The following GRM7 variants were observed in gnomAD, a reference collection of about 807,000 sequenced individuals.
GRM7 encodes the protein metabotropic glutamate receptor 7.
Under a neutral mutation model 84.5 loss-of-function variants are expected in GRM7, and 35 were observed. The ratio of observed to expected loss-of-function variants is 0.41; its 90% CI spans 0.32 to 0.55. GRM7 has a LOEUF of 0.55. Among genes scored for constraint, GRM7 ranks in the 20% least tolerant of loss-of-function variants. The probability of loss-of-function intolerance (pLI) is 0.19; values close to 1 mark genes in which losing one functional copy is unlikely to be tolerated. For missense variants in GRM7, 1,003 were observed against 1,194.6 expected, an observed-to-expected ratio of 0.84 and a Z score of 2.36; for synonymous variants, 487 against 455.1, an observed-to-expected ratio of 1.07 and a Z score of -0.89.
intron 8 of GRM7, among the ~76,000 whole-genome samples, chr3:7,616,190 T>C (rs1697071211): frequency 6.6e-6 from 1 of 152,126 alleles, no homozygotes; most frequent in Non-Finnish European, 1.5e-5. Context: ...TGTCTCATGC[T>C]AATAGACTTT....
At chr3:7,661,934 A>G (rs1699476200) in intron 8 of GRM7, among the ~76,000 whole-genome samples, 1 of 151,986 alleles carries the variant, frequency 6.6e-6, no homozygotes, top group South Asian at 2.1e-4. Flanking sequence ...CCCCCCAATG[A>G]AAAATATGTA....
chr3:7,216,203 C>T (rs1013752661), intron 2 of GRM7, among the ~76,000 whole-genome samples: 1 of 152,096 alleles, frequency 6.6e-6, no homozygotes, highest in East Asian at 1.9e-4. Context: ...GAACAGGTGA[C>T]TTTATGCCTG....
intron 1 of GRM7, chr3:6,884,202 T>C (rs1222154555): frequency 2.6e-5 from 4 of 152,638 alleles, no homozygotes; most frequent in Non-Finnish European, 4.4e-5. Flanking sequence ...AGCTACCTGT[T>C]CTGTTTTATT....
chr3:7,659,796 G>A (rs1297400549), intron 8 of GRM7, among the ~76,000 whole-genome samples: 2 of 152,094 alleles, frequency 1.3e-5, no homozygotes, highest in South Asian at 2.1e-4. Context: ...AAAAGGGTGA[G>A]GATTTTGTTT....
chr3:6,861,775 G>A lies in GRM7; in HGVS notation c.387G>A (p.Lys129=). 6.2e-7 allele frequency: 1 copy of A among 1,614,230 alleles called. No homozygotes were observed. Among genetic ancestry groups the A allele is most frequent in the Non-Finnish European group, 8.5e-7 (1 of 1,180,054 alleles). Residue 129 remains lysine (K), a synonymous_variant, in exon 1 of 10, where the codon AAG becomes AAA. Coordinates refer to ENST00000357716, the MANE Select transcript of GRM7 (RefSeq NM_000844.4). This position sits in a 1 kb window ranked among gnomAD's most constrained non-coding sequence, Gnocchi z 6.4. Reference sequence around the variant, plus strand: ...CTTTCGTCCAGGCGCTCATCCAGAAGGACACCTCCGACGTGCGCTGCACCA... The same window carrying A: ...CTTTCGTCCAGGCGCTCATCCAGAAAGACACCTCCGACGTGCGCTGCACCA... ...SLTFVQALIQ[K]DTSDVRCTNG...
chr3:7,246,932 A>C (rs563456863), intron 2 of GRM7, among the ~76,000 whole-genome samples: 1 of 152,168 alleles, frequency 6.6e-6, no homozygotes, highest in South Asian at 2.1e-4. Flanking sequence ...AATCTATAGT[A>C]ATCAAAAGAG....
chr3:7,052,718 T>G (rs1287299286), intron 1 of GRM7, among the ~76,000 whole-genome samples: 1 of 146,164 alleles, frequency 6.8e-6, no homozygotes, highest in Admixed American at 6.8e-5. Flanking sequence ...CAAGTATCGG[T>G]AGTTTTTTTT....
At position 7,579,350 on chromosome 3, in the gene GRM7, C is replaced by T. The variant is rs201610100; in HGVS notation, c.2444C>T (p.Ala815Val). ...IPIFFGTAQS[A>V]EKLYIQTTTL... ...ATTTTTTTTGGCACCGCTCAATCAGCGGAAAAGGTAAGTGAAAATGCACAT... is the reference window on the plus strand; with the variant it reads ...ATTTTTTTTGGCACCGCTCAATCAGTGGAAAAGGTAAGTGAAAATGCACAT... Residue 815 changes from alanine to valine, a missense_variant, in exon 8 of 10, where the codon GCG (alanine) becomes GTG (valine). Physicochemically the swap from Ala to Val is moderately conservative, Grantham distance 64. This residue lies in a region of GRM7 where 910 missense variants were observed against 1,126.0 expected (regional missense o/e 0.81). Transcript: ENST00000357716. 22 of 1,536,102 alleles carry T rather than the reference C, an allele frequency of 1.4e-5. No individual in the cohort carries two copies. Among genetic ancestry groups the T allele is most frequent in the South Asian group, 2.5e-5 (2 of 80,342 alleles).
chr3:7,096,134 C>T (rs1021011610), intron 1 of GRM7, among the ~76,000 whole-genome samples: 4 of 152,056 alleles, frequency 2.6e-5, no homozygotes, highest in Middle Eastern at 3.2e-3. Flanking sequence ...CTCCCCTATC[C>T]TAAAGCTAAC....
At chr3:7,454,090 A>ACACTCTCTCTCTCTCG in intron 6 of GRM7, among the ~76,000 whole-genome samples, 1 of 140,208 alleles carries the variant, frequency 7.1e-6, no homozygotes, top group African/African-American at 2.8e-5. Context: ...CTACACACAC[A>ACACTCTCTCTCTCTCG]CTCTCTCTCT....
intron 4 of GRM7, among the ~76,000 whole-genome samples, chr3:7,369,579 G>T (rs962452560): frequency 1.3e-5 from 2 of 152,120 alleles, no homozygotes; most frequent in Non-Finnish European, 2.9e-5. Context: ...ATGAAAGAAG[G>T]GGAATGGATG....
At chr3:7,473,395 G>T (rs1698781650) in intron 7 of GRM7, among the ~76,000 whole-genome samples, 1 of 151,944 alleles carries the variant, frequency 6.6e-6, no homozygotes. Flanking sequence ...AAGATCCTTT[G>T]AGCCCAGGAG....
At chr3:7,129,740 C>G (rs1693528915) in intron 1 of GRM7, among the ~76,000 whole-genome samples, 1 of 152,148 alleles carries the variant, frequency 6.6e-6, no homozygotes. Context: ...GCAGAAGTAG[C>G]CTGGGTCCTT....
chr3:7,529,285 A>G (rs1700934418), intron 7 of GRM7, among the ~76,000 whole-genome samples: 1 of 152,244 alleles, frequency 6.6e-6, no homozygotes, highest in South Asian at 2.1e-4. Context: ...TTACTGACAC[A>G]TGATAGGTTT....
In GRM7 at chr3:6,880,298, CA is replaced by C. The variant is rs377147568; in HGVS notation, c.519+18394del. Among the ~76,000 whole-genome samples the C allele has an allele frequency of 1.4e-3, 210 of 152,248 alleles. 1 individual carries two copies. The highest frequency in any genetic ancestry group is 4.9e-3 in the African/African-American group (204 of 41,540). On this transcript the variant is annotated intron_variant, in intron 1 of 9. Transcript: ENST00000357716. The stretch of plus-strand genomic sequence containing the variant: ...TTACTTATCTGTAAATAGCCTCCTA[CA>C]AAGGGTGCAATTACATAATTATACA...
At chr3:7,214,964 T>C (rs1340203552) in intron 2 of GRM7, among the ~76,000 whole-genome samples, 7 of 152,342 alleles carry the variant, frequency 4.6e-5, no homozygotes, top group East Asian at 1.9e-4. Flanking sequence ...AATAATGACA[T>C]GTCTTTATTT....
At chr3:7,575,293 T>A (rs896121354) in intron 7 of GRM7, among the ~76,000 whole-genome samples, 1 of 152,224 alleles carries the variant, frequency 6.6e-6, no homozygotes, top group African/African-American at 2.4e-5. Flanking sequence ...TAAACTTGCA[T>A]CTTCTAATGA....
chr3:6,872,379 C>G (rs1297261043), intron 1 of GRM7, among the ~76,000 whole-genome samples: 1 of 152,166 alleles, frequency 6.6e-6, no homozygotes, highest in Non-Finnish European at 1.5e-5. Flanking sequence ...CTCAGTCTTG[C>G]TCTTTGTTTG....
intron 4 of GRM7, among the ~76,000 whole-genome samples, chr3:7,381,141 G>C (rs1295905320): frequency 6.6e-6 from 1 of 151,858 alleles, no homozygotes; most frequent in Admixed American, 6.6e-5. Flanking sequence ...CTACTTCCTT[G>C]ACTTTATGCT....
Sources: allele counts gnomAD v4.1 joint callset (sites outside exome capture counted in the v4.1 genomes callset), GRCh38; gene constraint gnomAD v4.1.1; regional missense constraint gnomAD v4.1.1; non-coding constraint Gnocchi (gnomAD v3.1); transcripts MANE v1.5; gene names NCBI Gene and HGNC (gene_info 2026-07-23, HGNC 2026-07-21).